AMOTL1: variants seen among roughly 807,000 people sequenced by gnomAD.
The protein encoded by AMOTL1 is angiomotin like 1.
A neutral mutation model predicts 102.9 loss-of-function variants in AMOTL1; 45 were observed. The ratio of observed to expected loss-of-function variants is 0.44; its 90% confidence interval spans 0.34 to 0.56. The LOEUF (loss-of-function observed/expected upper bound fraction) is 0.56. AMOTL1 is among the 20% of genes least tolerant of loss of function. The probability of loss-of-function intolerance (pLI) is 0.01; values close to 1 mark genes in which losing one functional copy is unlikely to be tolerated. For missense variants in AMOTL1, 1,114 were observed against 1,225.6 expected (o/e 0.91, Z 1.36); for synonymous variants, 481 against 484.7 (o/e 0.99, Z 0.10).
Position 94,799,858 on chromosome 11 carries a change from G to T in AMOTL1, c.668G>T (p.Gly223Val). The change falls in exon 3 of 13, where the codon GGC becomes GTC. Residue 223 changes from glycine to valine, a missense_variant. By Grantham distance (109) the Gly-to-Val change is moderately radical (BLOSUM62 -3). Transcript: ENST00000433060. The surrounding 1 kb of genome is among the most constrained non-coding windows in gnomAD (Gnocchi z 4.5). ...AVGHGYYMAG[G>V]TSQKSRTEGR... ...GGCCATGGTTACTACATGGCAGGGG[G>T]CACCAGTCAGAAGTCCCGAACTGAG... 6.3e-7 allele frequency: 1 copy of T among 1,590,796 alleles called. No individual in the cohort carries two copies. The highest frequency in any genetic ancestry group is 1.2e-5 in the South Asian group (1 of 86,158).
At chr11:94,724,268 T>C (rs531029356) in intron 1 of AMOTL1, among the ~76,000 whole-genome samples, 1 of 152,214 alleles carries the variant, frequency 6.6e-6, no homozygotes, top group East Asian at 1.9e-4. Context: ...CTGGAGAGCA[T>C]CTCTCCTTCA....
intron 3 of AMOTL1, among the ~76,000 whole-genome samples, chr11:94,743,651 C>CTTTTTTTTTTTTTT (rs760828820): frequency 3.1e-5 from 3 of 98,188 alleles, no homozygotes; most frequent in African/African-American, 1.4e-4. Context: ...CACAATACTT[C>CTTTTTTTTTTTTTT]TTTTTTTTTT....
In AMOTL1 at chr11:94,807,707, C is replaced by T. The variant is rs184437581; in HGVS notation, c.1121+7396C>T. ...TATCTTGAGAAATTTGTTAATATTTCGCTATGGATGGCTACAAGTTATGGA... is the reference window on the plus strand; with the variant it reads ...TATCTTGAGAAATTTGTTAATATTTTGCTATGGATGGCTACAAGTTATGGA... On this transcript the variant is annotated intron_variant, in intron 3 of 12. Coordinates refer to ENST00000433060, the MANE Select transcript of AMOTL1 (RefSeq NM_130847.3). Among the ~76,000 whole-genome samples the T allele has an allele frequency of 4.2e-3, 632 of 152,146 alleles. 12 individuals are homozygous for T. Among genetic ancestry groups the T allele is most frequent in the South Asian group, 0.035 (168 of 4,826 alleles).
At chr11:94,862,762 A>G (rs1460178952) in intron 9 of AMOTL1, among the ~76,000 whole-genome samples, 2 of 152,180 alleles carry the variant, frequency 1.3e-5, no homozygotes, top group Non-Finnish European at 1.5e-5. Flanking sequence ...TTTGTTGAAA[A>G]TGTTTCTAGC....
At chr11:94,846,013 T>G (rs554897234) in intron 6 of AMOTL1, among the ~76,000 whole-genome samples, 1 of 152,326 alleles carries the variant, frequency 6.6e-6, no homozygotes, top group East Asian at 1.9e-4. Context: ...AGGGCCTTCT[T>G]ATGAGGTGGT....
rs989451186 is a variant in AMOTL1, at chr11:94,740,562, G to C, written c.86-376G>C. On this transcript the variant is annotated intron_variant, in intron 2 of 4. Coordinates refer to the AMOTL1 transcript ENST00000299004. ...CCGCGGGAAAACTTCGCGGCTCCTCGGCGCTGGGGCGTCGGCGCCAGGCCC... is the reference window on the plus strand; with the variant it reads ...CCGCGGGAAAACTTCGCGGCTCCTCCGCGCTGGGGCGTCGGCGCCAGGCCC... Among the ~76,000 whole-genome samples, 5 of 151,620 alleles carry C rather than the reference G, an allele frequency of 3.3e-5. No individual in the cohort carries two copies. The South Asian group carries it at 6.2e-4, about 19-fold the overall frequency.
intron 4 of AMOTL1, among the ~76,000 whole-genome samples, chr11:94,823,408 C>T (rs1951904584): frequency 6.6e-6 from 1 of 152,108 alleles, no homozygotes; most frequent in Admixed American, 6.6e-5. Flanking sequence ...GGGAAATAGG[C>T]ATGTTGTCTC....
chr11:94,741,215 T>C (rs1950521049), intron 3 of AMOTL1, among the ~76,000 whole-genome samples: 1 of 151,660 alleles, frequency 6.6e-6, no homozygotes, highest in Admixed American at 6.6e-5. Context: ...CGTGTGTGTG[T>C]GTGTGCGTGC....
intron 6 of AMOTL1, among the ~76,000 whole-genome samples, chr11:94,836,877 A>C (rs1203957472): frequency 6.6e-6 from 1 of 151,604 alleles, no homozygotes; most frequent in African/African-American, 2.4e-5. Context: ...GACTCCTTTA[A>C]CTCCTTCCCA....
At position 94,876,063 on chromosome 11, in the gene AMOTL1, G is replaced by A. The variant is rs897814642; in HGVS notation, c.*5268G>A. ...CTCTCTATATTGAACTACATATACA[G>A]CGTTTTCTTGTATCAGCCCCCAAAG... is the stretch of plus-strand genomic sequence containing the variant. On this transcript the variant is annotated 3_prime_UTR_variant, in exon 13 of 13. Transcript: ENST00000433060. The A allele has an allele frequency of 7.2e-5, 11 of 152,552 alleles. No individual in the cohort carries two copies. The highest frequency in any genetic ancestry group is 2.4e-4 in the African/African-American group (10 of 41,386). The allele number at this position is 152,552 out of a possible 1,614,324, so 9.4% of individuals were successfully genotyped here.
chr11:94,785,485 C>G (rs1408803197), intron 1 of AMOTL1, among the ~76,000 whole-genome samples: 1 of 152,122 alleles, frequency 6.6e-6, no homozygotes, highest in Non-Finnish European at 1.5e-5. Context: ...AATGGTAGCT[C>G]CTGCTCTTAT....
chr11:94,859,951 T>TA lies in AMOTL1; in HGVS notation c.2135+243dup, dbSNP rs150775593. ...CAATTCAAGTTCTAGATATTTATCT[T>TA]AAAAAAATCATAGACATGCCAGAAG... On this transcript the variant is annotated intron_variant, in intron 9 of 12. Transcript: ENST00000433060. 7.7e-3 allele frequency among the ~76,000 whole-genome samples: 1,165 copies of TA among 152,262 alleles called. 28 individuals carry two copies. The highest frequency in any genetic ancestry group is 0.046 in the East Asian group (238 of 5,178).
intron 3 of AMOTL1, among the ~76,000 whole-genome samples, chr11:94,756,085 C>G (rs562259833): frequency 6.6e-6 from 1 of 152,276 alleles, no homozygotes; most frequent in African/African-American, 2.4e-5. Flanking sequence ...CAGCCAGACT[C>G]TCCTCTGACT....
At position 94,840,681 on chromosome 11, in the gene AMOTL1, T is replaced by TATATATACAC. The variant is rs1166713705; in HGVS notation, c.1648+9141_1648+9142insTATATACACA. 5.9e-3 allele frequency among the ~76,000 whole-genome samples: 616 copies of TATATATACAC among 104,682 alleles called. 7 individuals carry two copies. Among genetic ancestry groups the TATATATACAC allele is most frequent in the African/African-American group, 0.023 (577 of 24,692 alleles). The allele number at this position is 104,682 out of a possible 152,430, so 68.7% of individuals were successfully genotyped here. A position where few individuals can be genotyped will look rare whatever the true frequency, so the allele number is the denominator to read the frequency against. ...ATATATATATATATATATATATATA[T>TATATATACAC]ACACACACACACACACACACACACA... On this transcript the variant is annotated intron_variant, in intron 6 of 12. Transcript: ENST00000433060.
In AMOTL1 at chr11:94,742,206, A is replaced by G. The variant is rs374722764; in HGVS notation, c.136+1218A>G. ...TGCATGAGCAAAACTAGCTTTTAAGACATACTGTGGTGAATCATTTTATGA... is the reference window on the plus strand; with the variant it reads ...TGCATGAGCAAAACTAGCTTTTAAGGCATACTGTGGTGAATCATTTTATGA... On this transcript the variant is annotated intron_variant, in intron 3 of 4. Coordinates refer to the AMOTL1 transcript ENST00000299004. 1.7e-4 allele frequency among the ~76,000 whole-genome samples: 26 copies of G among 152,350 alleles called. 1 individual carries two copies. Among genetic ancestry groups the G allele is most frequent in the African/African-American group, 5.3e-4 (22 of 41,572 alleles).
chr11:94,794,867 T>C (rs1306992389), intron 1 of AMOTL1, 144 bp from the exon 2 acceptor site: 1 of 944,054 alleles, frequency 1.1e-6, no homozygotes. Context: ...ATAGTAACTT[T>C]GGAATTTTAT....
At chr11:94,864,323 A>G (rs1952833929) in intron 9 of AMOTL1, among the ~76,000 whole-genome samples, 1 of 152,190 alleles carries the variant, frequency 6.6e-6, no homozygotes, top group Non-Finnish European at 1.5e-5. Flanking sequence ...CCCATTTTAC[A>G]TATTCATAAC....
chr11:94,864,786 G>C lies in AMOTL1; in HGVS notation c.2187G>C (p.Ser729=), dbSNP rs565403768. 3.7e-6 allele frequency: 6 copies of C among 1,613,824 alleles called. No homozygotes were observed. The South Asian group carries it at 6.6e-5, about 18-fold the overall frequency. Residue 729 remains serine, a synonymous_variant, in exon 10 of 13, where the codon TCG becomes TCC. Transcript: ENST00000433060. ...GGAATGGCAGCTACGGAGAGAGCTC[G>C]CTGGAGGCCCACATCTGGCAAGAGG... is the stretch of plus-strand genomic sequence containing the variant. ...HSRNGSYGES[S]LEAHIWQEEE...
intron 7 of AMOTL1, among the ~76,000 whole-genome samples, chr11:94,852,939 G>T (rs1952575496): frequency 6.6e-6 from 1 of 151,944 alleles, no homozygotes; most frequent in Non-Finnish European, 1.5e-5. Flanking sequence ...ATATAGAAAA[G>T]AATAAAGAAT....
Sources: gnomAD v4.1 joint callset for allele counts (sites outside exome capture counted in the v4.1 genomes callset) on GRCh38, gnomAD v4.1.1 for gene constraint, Gnocchi (gnomAD v3.1) non-coding constraint, MANE v1.5 for transcripts, NCBI Gene and HGNC (gene_info 2026-07-23, HGNC 2026-07-21) for gene names.